The following HIP1 variants were observed in gnomAD, a reference collection of about 807,000 sequenced individuals.
HIP1 encodes huntingtin interacting protein 1.
HIP1 carries 65 observed loss-of-function variants against 147.6 expected under a neutral mutation model. The observed-to-expected ratio is 0.44, with a 90% CI of 0.36 to 0.54. The LOEUF (loss-of-function observed/expected upper bound fraction) is 0.54. Among genes scored for constraint, HIP1 ranks in the 20% least tolerant of loss-of-function variants. The pLI is 0.00. For synonymous variants in HIP1, 479 were observed against 504.0 expected, an observed-to-expected ratio of 0.95 and a Z score of 0.67; for missense variants, 1,061 against 1,299.6, an observed-to-expected ratio of 0.82 and a Z score of 2.82.
rs1795086926 is a variant in HIP1, at chr7:75,558,113, C to G, written c.1464+54G>C. 14 of 1,462,326 alleles carry G rather than the reference C, an allele frequency of 9.6e-6. No homozygotes were observed. In the South Asian group the frequency reaches 1.0e-4, roughly 11 times the overall value. The allele number at this position is 1,462,326 out of a possible 1,614,324, so 90.6% of individuals were successfully genotyped here. A position where few individuals can be genotyped will look rare whatever the true frequency, so the allele number is the denominator to read the frequency against. ...GGGGAAGCCACAGGCCTGAGCCGCTCTCTCCCTAGAGGTGCAGGGCCTGCA... is the reference window on the plus strand; with the variant it reads ...GGGGAAGCCACAGGCCTGAGCCGCTGTCTCCCTAGAGGTGCAGGGCCTGCA... On this transcript the variant is annotated intron_variant, in intron 15 of 30. Transcript: ENST00000336926.
chr7:75,681,156 G>A (rs943201942), intron 1 of HIP1, among the ~76,000 whole-genome samples: 2 of 151,916 alleles, frequency 1.3e-5, no homozygotes, highest in East Asian at 1.9e-4. Context: ...CAGGTGATCC[G>A]TCCGCCTCGG....
intron 28 of HIP1, 63 bp from the exon 29 acceptor site, chr7:75,542,043 G>A: frequency 7.7e-7 from 1 of 1,297,412 alleles, no homozygotes; most frequent in African/African-American, 1.5e-5. Flanking sequence ...CACCTGAGAG[G>A]CAGCCAATGC....
Position 75,541,955 on chromosome 7 carries a change from C to T in HIP1, c.2916G>A (p.Thr972=), listed in dbSNP as rs375211454. The T allele has an allele frequency of 1.1e-5, 17 of 1,613,814 alleles. No homozygotes were observed. Among genetic ancestry groups the T allele is most frequent in the Admixed American group, 3.3e-5 (2 of 60,002 alleles). The part of the protein sequence containing the change: ...ETDNMDFSSM[T]LTQIKRQEMD... ...TCTCTTGGCGTTTGATCTGTGTCAG[C>T]GTCATGCTTGAGAAGTCCATGTTGT... is the stretch of plus-strand genomic sequence containing the variant. The change falls in exon 29 of 31, where the codon ACG becomes ACA. Residue 972 remains threonine (T), a synonymous_variant. Transcript: ENST00000336926.
chr7:75,712,434 G>A (rs1801187971), intron 1 of HIP1, among the ~76,000 whole-genome samples: 1 of 152,110 alleles, frequency 6.6e-6, no homozygotes, highest in Admixed American at 6.6e-5. Context: ...TTCTGGATAG[G>A]TGGCTCACAC....
chr7:75,693,195 G>T (rs567565828), intron 1 of HIP1, among the ~76,000 whole-genome samples: 1 of 151,570 alleles, frequency 6.6e-6, no homozygotes, highest in Non-Finnish European at 1.5e-5. Flanking sequence ...GATGCAAATT[G>T]CAAACGGCAT....
chr7:75,611,593 G>A (rs1024312508), intron 1 of HIP1: 10 of 816,446 alleles, frequency 1.2e-5, no homozygotes, highest in Non-Finnish European at 1.5e-5. Context: ...AACTGTTCCC[G>A]CCCCGCCACA....
chr7:75,562,024 G>A (rs782765406), intron 12 of HIP1, 49 bp downstream of exon 12: 4 of 1,067,370 alleles, frequency 3.7e-6, no homozygotes, highest in Non-Finnish European at 5.8e-6. Flanking sequence ...GGCAGACCAT[G>A]GCTTAACTTA....
In HIP1 at chr7:75,556,701, G is replaced by C. The variant is rs1400138454; in HGVS notation, c.1683+9C>G. ...ACTCTATCTCCAAAAAAAAAAAGGAGGTATTTACCTGGGCAGAAGTTTCCA... is the reference window on the plus strand; with the variant it reads ...ACTCTATCTCCAAAAAAAAAAAGGACGTATTTACCTGGGCAGAAGTTTCCA... On this transcript the variant is annotated intron_variant, in intron 17 of 30. Coordinates refer to ENST00000336926, the MANE Select transcript of HIP1 (RefSeq NM_005338.7). 5.1e-6 allele frequency: 8 copies of C among 1,557,580 alleles called. No individual in the cohort carries two copies. The African/African-American group carries it at 1.1e-4, about 21-fold the overall frequency.
At chr7:75,737,735 C>T (rs991942845) in intron 1 of HIP1, among the ~76,000 whole-genome samples, 1 of 152,166 alleles carries the variant, frequency 6.6e-6, no homozygotes, top group South Asian at 2.1e-4. Flanking sequence ...AGCCCTTTCC[C>T]TCCAACTGTG....
intron 1 of HIP1, among the ~76,000 whole-genome samples, chr7:75,704,435 G>A (rs1399803866): frequency 1.3e-5 from 2 of 152,008 alleles, no homozygotes; most frequent in East Asian, 3.9e-4. Flanking sequence ...GTAGAGATAG[G>A]GTTTCTTCAT....
At chr7:75,551,476 A>G (rs1794781643) in intron 22 of HIP1, among the ~76,000 whole-genome samples, 3 of 147,368 alleles carry the variant, frequency 2.0e-5, no homozygotes, top group Non-Finnish European at 4.5e-5. Flanking sequence ...CAGCCTCCCA[A>G]AGTGCTGGGA....
chr7:75,725,273 G>C (rs1225576556), intron 1 of HIP1, among the ~76,000 whole-genome samples: 2 of 151,946 alleles, frequency 1.3e-5, no homozygotes, highest in Non-Finnish European at 2.9e-5. Flanking sequence ...TGATCCTCTC[G>C]CCTCAGCCAC....
chr7:75,662,732 CT>C (rs1799358251), intron 1 of HIP1, among the ~76,000 whole-genome samples: 1 of 152,118 alleles, frequency 6.6e-6, no homozygotes, highest in Non-Finnish European at 1.5e-5. Context: ...TCTCGAACTC[CT>C]GACCTCAAAT....
intron 1 of HIP1, among the ~76,000 whole-genome samples, chr7:75,729,058 T>C (rs1177147221): frequency 2.0e-5 from 3 of 146,710 alleles, no homozygotes; most frequent in African/African-American, 7.6e-5. Flanking sequence ...AGCCTGCGCA[T>C]GTACCATCTG....
chr7:75,602,303 C>CTTTTTTTT (rs67019261), intron 1 of HIP1, among the ~76,000 whole-genome samples: 1 of 77,266 alleles, frequency 1.3e-5, no homozygotes, highest in African/African-American at 5.5e-5. Context: ...ACCTGGCCAG[C>CTTTTTTTT]TTTTTTTTTT....
chr7:75,538,338 T>C (rs1794164175), intron 30 of HIP1, 114 bp from the exon 31 acceptor site: 1 of 815,568 alleles, frequency 1.2e-6, no homozygotes, highest in South Asian at 1.4e-5. Context: ...ATAACCATGG[T>C]GTAATCACAT....
rs1251317753 is a variant in HIP1, at chr7:75,679,045, G to A, written c.120+59756C>T. Among the ~76,000 whole-genome samples the A allele has an allele frequency of 5.3e-5, 8 of 152,022 alleles. No homozygotes were observed. The South Asian group carries it at 8.3e-4, about 16-fold the overall frequency. On this transcript the variant is annotated intron_variant, in intron 1 of 30. Transcript: ENST00000336926. ...CCTCACCTGCTTTTAAACTGGGGTC[G>A]CTAACTTAAAAACCAAACCAAACCA...
At chr7:75,602,303 CTTTTTTTTT>C (rs67019261) in intron 1 of HIP1, among the ~76,000 whole-genome samples, 13,781 of 76,578 alleles carry the variant, frequency 0.18, 746 homozygotes, top group Middle Eastern at 0.26. Flanking sequence ...ACCTGGCCAG[CTTTTTTTTT>C]TTTTTTTTTT....
chr7:75,549,821 C>T (rs1794714003), intron 22 of HIP1, among the ~76,000 whole-genome samples: 2 of 147,130 alleles, frequency 1.4e-5, no homozygotes, highest in Admixed American at 7.0e-5. Flanking sequence ...AGAGGTGCAC[C>T]ACCAAGCCCG....
Sources: allele counts gnomAD v4.1 joint callset (sites outside exome capture counted in the v4.1 genomes callset), GRCh38; gene constraint gnomAD v4.1.1; transcripts MANE v1.5; gene names NCBI Gene and HGNC (gene_info 2026-07-23, HGNC 2026-07-21).